C21orf91: variants seen among roughly 807,000 people sequenced by gnomAD.
The protein encoded by C21orf91 is chromosome 21 open reading frame 91.
In C21orf91, 26 loss-of-function variants were observed where a neutral mutation model predicts 32.9. The ratio of observed to expected loss-of-function variants is 0.79; its 90% confidence interval spans 0.58 to 1.10. C21orf91 has a LOEUF of 1.10. Among genes scored for constraint, C21orf91 ranks in the 50% least tolerant of loss-of-function variants. C21orf91 has a pLI of 0.00. For synonymous variants in C21orf91, 126 were observed against 120.4 expected (o/e 1.05, Z -0.31); for missense variants, 310 against 341.3 (o/e 0.91, Z 0.72).
At chr21:17,815,883 C>T (rs1188148141) in intron 2 of C21orf91, among the ~76,000 whole-genome samples, 1 of 152,216 alleles carries the variant, frequency 6.6e-6, no homozygotes, top group Non-Finnish European at 1.5e-5. Context: ...TGGTACCGAA[C>T]TCCCAACCTC....
At position 17,818,280 on chromosome 21, in the gene C21orf91, A is replaced by G. The variant is rs1347045216; in HGVS notation, c.39T>C (p.Asn13=). Residue 13 remains asparagine, a synonymous_variant, in exon 2 of 5, where the codon AAT becomes AAC. Coordinates refer to ENST00000284881, the MANE Select transcript of C21orf91 (RefSeq NM_001100420.2). The part of the protein sequence containing the change: ...EEEQFVNIDL[N]DDNICSVCKL... ...TACAAACACTGCAAATGTTGTCATC[A>G]TTCAAATCAATGTTTACAAACTGCT... 1 of 1,612,658 alleles carries G rather than the reference A, an allele frequency of 6.2e-7. No individual in the cohort carries two copies. The highest frequency in any genetic ancestry group is 2.2e-5 in the East Asian group (1 of 44,844).
chr21:17,792,804 T>G lies in C21orf91; in HGVS notation c.*611A>C, dbSNP rs2062487101. 6.6e-6 allele frequency: 1 copy of G among 152,642 alleles called. No individual in the cohort carries two copies. Among genetic ancestry groups the G allele is most frequent in the African/African-American group, 2.4e-5 (1 of 41,454 alleles). The allele number at this position is 152,642 out of a possible 1,614,324, so 9.5% of individuals were successfully genotyped here. A position where few individuals can be genotyped will look rare whatever the true frequency, so the allele number is the denominator to read the frequency against. On this transcript the variant is annotated 3_prime_UTR_variant, in exon 5 of 5. Coordinates refer to ENST00000284881, the MANE Select transcript of C21orf91 (RefSeq NM_001100420.2). ...GTATTAGAAATTAAAACAACTCAGATTTCTAATCCAAAATATATTTATCTT... is the reference window on the plus strand; with the variant it reads ...GTATTAGAAATTAAAACAACTCAGAGTTCTAATCCAAAATATATTTATCTT...
intron 2 of C21orf91, among the ~76,000 whole-genome samples, chr21:17,815,753 T>C (rs540849734): frequency 6.6e-6 from 1 of 152,214 alleles, no homozygotes; most frequent in Admixed American, 6.5e-5. Flanking sequence ...CTCCACCTCC[T>C]GGGTTCAAGC....
Position 17,818,342 on chromosome 21 carries a change from A to G in C21orf91, c.-7-17T>C. 4 of 1,588,136 alleles carry G rather than the reference A, an allele frequency of 2.5e-6. No individual in the cohort carries two copies. The highest frequency in any genetic ancestry group is 3.4e-6 in the Non-Finnish European group (4 of 1,166,542). On this transcript the variant is annotated splice_polypyrimidine_tract_variant and intron_variant, in intron 1 of 4. Coordinates refer to ENST00000284881, the MANE Select transcript of C21orf91 (RefSeq NM_001100420.2). ...ATAGTGCCCCTATTAAGAAACAGAA[A>G]AGGAAAGTTACACAATTTCATGAAC... is the stretch of plus-strand genomic sequence containing the variant.
At chr21:17,811,693 T>C (rs748195817) in intron 2 of C21orf91, among the ~76,000 whole-genome samples, 1 of 152,172 alleles carries the variant, frequency 6.6e-6, no homozygotes, top group Non-Finnish European at 1.5e-5. Context: ...TGTTTTCATA[T>C]AGCTGATAAA....
In C21orf91 at chr21:17,791,034, G is replaced by C. The variant is rs1303585892; in HGVS notation, c.*2381C>G. On this transcript the variant is annotated 3_prime_UTR_variant, in exon 5 of 5. Coordinates refer to ENST00000284881, the MANE Select transcript of C21orf91 (RefSeq NM_001100420.2). The stretch of plus-strand genomic sequence containing the variant: ...TAACAACTGTAGAGAATAGCCAAGT[G>C]TGGAAAACAATATTTGTGATATTTC... 6.6e-6 allele frequency: 1 copy of C among 151,788 alleles called. No individual in the cohort carries two copies. The highest frequency in any genetic ancestry group is 2.4e-5 in the African/African-American group (1 of 41,418). The allele number at this position is 151,788 out of a possible 1,614,324, so 9.4% of individuals were successfully genotyped here. A position where few individuals can be genotyped will look rare whatever the true frequency, so the allele number is the denominator to read the frequency against.
chr21:17,811,594 C>T (rs368402376), intron 2 of C21orf91: 132 of 152,218 alleles, frequency 8.7e-4, no homozygotes, highest in African/African-American at 3.1e-3. Context: ...TTTCCAGTAA[C>T]AGTTACTGTA....
rs1014976795 is a variant in C21orf91, at chr21:17,790,936, G to A, written c.*2479C>T. On this transcript the variant is annotated 3_prime_UTR_variant, in exon 5 of 5. Coordinates refer to ENST00000284881, the MANE Select transcript of C21orf91 (RefSeq NM_001100420.2). The stretch of plus-strand genomic sequence containing the variant: ...AAGCTCTGAAAATTTAGTAATGGAT[G>A]ACTGGCAGTCTGTTTTGCCACTTTT... 7 of 152,176 alleles carry A rather than the reference G, an allele frequency of 4.6e-5. No individual in the cohort carries two copies. The highest frequency in any genetic ancestry group is 7.4e-5 in the Non-Finnish European group (5 of 67,936). 9.4% of individuals were successfully genotyped at this position (152,176 alleles called of 1,614,324 possible).
intron 2 of C21orf91, among the ~76,000 whole-genome samples, chr21:17,797,711 C>A (rs2062530303): frequency 6.6e-6 from 1 of 151,740 alleles, no homozygotes; most frequent in Non-Finnish European, 1.5e-5. Flanking sequence ...GTTACTAAAA[C>A]CTTATCAAGA....
intron 2 of C21orf91, among the ~76,000 whole-genome samples, chr21:17,801,693 T>A (rs1303931455): frequency 2.7e-5 from 1 of 36,988 alleles, no homozygotes; most frequent in Non-Finnish European, 5.2e-5. Context: ...TGGGGCCTGT[T>A]GGGGGTGGGG....
At chr21:17,793,624 C>G (rs371460924) in intron 4 of C21orf91, 43 bp from the exon 5 acceptor site, 1 of 1,360,894 alleles carries the variant, frequency 7.3e-7, no homozygotes, top group Non-Finnish European at 1.0e-6. Context: ...ATGCAGAAAG[C>G]CGGTGCTATG....
At chr21:17,816,005 G>GTGATCACTAGTAATACAC (rs1232574837) in intron 2 of C21orf91, among the ~76,000 whole-genome samples, 2 of 152,190 alleles carry the variant, frequency 1.3e-5, no homozygotes, top group Non-Finnish European at 2.9e-5. Flanking sequence ...GCTGATCACT[G>GTGATCACTAGTAATACAC]TAGTGAAAAT....
intron 2 of C21orf91, among the ~76,000 whole-genome samples, chr21:17,797,581 TG>T (rs551553009): frequency 1.3e-5 from 2 of 150,030 alleles, no homozygotes; most frequent in South Asian, 2.1e-4. Flanking sequence ...TTATGTTTAT[TG>T]AAAAAAAAAA....
chr21:17,816,992 T>A lies in C21orf91; in HGVS notation c.127+1200A>T, dbSNP rs184061816. ...TTTTAAGATATCCTTTTATTTTTATTTAATTTTTTAGAGATGGGGTCTTGC... is the reference window on the plus strand; with the variant it reads ...TTTTAAGATATCCTTTTATTTTTATATAATTTTTTAGAGATGGGGTCTTGC... On this transcript the variant is annotated intron_variant, in intron 2 of 4. Transcript: ENST00000284881. Among the ~76,000 whole-genome samples the A allele has an allele frequency of 8.5e-5, 13 of 152,330 alleles. No homozygotes were observed. In the East Asian group the frequency reaches 2.5e-3, roughly 29 times the overall value.
At position 17,816,580 on chromosome 21, in the gene C21orf91, A is replaced by C. The variant is rs76153162; in HGVS notation, c.127+1612T>G. 8.8e-3 allele frequency among the ~76,000 whole-genome samples: 1,345 copies of C among 152,350 alleles called. 20 individuals are homozygous for C. The highest frequency in any genetic ancestry group is 0.031 in the African/African-American group (1,279 of 41,578). On this transcript the variant is annotated intron_variant, in intron 2 of 4. Coordinates refer to ENST00000284881, the MANE Select transcript of C21orf91 (RefSeq NM_001100420.2). ...AGACTGCCAGGCTTTAAAGTCCAGG[A>C]CCAACAGTTATGAGCTGTGTGACTT...
rs2062477301 is a variant in C21orf91 at position 17,791,917 on chromosome 21, A to G, written c.*1498T>C. ...CCAATTTAACACGTCAGCATTACAA[A>G]AAGTTGTTTTCAATTAAACTGAAGT... On this transcript the variant is annotated 3_prime_UTR_variant, in exon 5 of 5. Coordinates refer to ENST00000284881, the MANE Select transcript of C21orf91 (RefSeq NM_001100420.2). 1 of 152,214 alleles carries G rather than the reference A, an allele frequency of 6.6e-6. No individual in the cohort carries two copies. The highest frequency in any genetic ancestry group is 2.4e-5 in the African/African-American group (1 of 41,458). The allele number at this position is 152,214 out of a possible 1,614,324, so 9.4% of individuals were successfully genotyped here. A position where few individuals can be genotyped will look rare whatever the true frequency, so the allele number is the denominator to read the frequency against.
chr21:17,818,199 A>G lies in C21orf91; in HGVS notation c.120T>C (p.Asn40=), dbSNP rs745523225. The G allele has an allele frequency of 6.2e-7, 1 of 1,609,786 alleles. No homozygotes were observed. Among genetic ancestry groups the G allele is most frequent in the Non-Finnish European group, 8.5e-7 (1 of 1,176,266 alleles). Residue 40 remains asparagine, a synonymous_variant, in exon 2 of 5, where the codon AAT becomes AAC. Coordinates refer to ENST00000284881, the MANE Select transcript of C21orf91 (RefSeq NM_001100420.2). ...ACTATACTGTGTCCTTACCCTCAAT[A>G]TTTAGCTCAAAACAAATGTGGCAGA... The part of the protein sequence containing the change: ...LSFCHICFEL[N]IEGVPKSDLL...
chr21:17,801,307 G>C (rs531347983), intron 2 of C21orf91, among the ~76,000 whole-genome samples: 9 of 149,520 alleles, frequency 6.0e-5, no homozygotes, highest in Admixed American at 6.6e-5. Context: ...GTCTCGCTCT[G>C]TCACCCAGGC....
chr21:17,807,931 T>A (rs1028841672), intron 2 of C21orf91, among the ~76,000 whole-genome samples: 2 of 152,042 alleles, frequency 1.3e-5, no homozygotes, highest in Non-Finnish European at 2.9e-5. Flanking sequence ...TAAAAGGGTA[T>A]AAGACTTCAG....
Sources: gnomAD v4.1 joint callset for allele counts (sites outside exome capture counted in the v4.1 genomes callset) on GRCh38, gnomAD v4.1.1 for gene constraint, MANE v1.5 for transcripts, NCBI Gene and HGNC (gene_info 2026-07-23, HGNC 2026-07-21) for gene names.